Variants in CPA6 observed in about 807,000 individuals in gnomAD.
CPA6 encodes carboxypeptidase A6.
In CPA6, 58 loss-of-function variants were observed where a neutral mutation model predicts 63.3. The observed-to-expected ratio is 0.92, with a 90% CI of 0.74 to 1.14. CPA6 has a LOEUF of 1.14. Among genes scored for constraint, CPA6 ranks in the 50% most tolerant of loss-of-function variants. The probability of loss-of-function intolerance (pLI) is 0.00; values close to 1 mark genes in which losing one functional copy is unlikely to be tolerated. For synonymous variants in CPA6, 185 were observed against 179.0 expected (o/e 1.03, Z -0.27); for missense variants, 565 against 526.6 (o/e 1.07, Z -0.71).
At position 67,524,613 on chromosome 8, in the gene CPA6, C is replaced by CA. The variant is rs1554670781; in HGVS notation, c.193-6567_193-6566insT. On this transcript the variant is annotated intron_variant, in intron 2 of 10. Coordinates refer to ENST00000297770, the MANE Select transcript of CPA6 (RefSeq NM_020361.5). ...AGATTCTTAAGTACATTTGAAAAAACTTTTTTTGTTTTTTTGCAAATCAGG... is the reference window on the plus strand; with the variant it reads ...AGATTCTTAAGTACATTTGAAAAAACATTTTTTTGTTTTTTTGCAAATCAGG... 6.0e-5 allele frequency among the ~76,000 whole-genome samples: 9 copies of CA among 149,906 alleles called. 1 individual carries two copies. The highest frequency in any genetic ancestry group is 1.5e-4 in the African/African-American group (6 of 40,240).
intron 2 of CPA6, among the ~76,000 whole-genome samples, chr8:67,613,584 T>G (rs1030964001): frequency 7.2e-5 from 11 of 152,186 alleles, no homozygotes; most frequent in African/African-American, 2.7e-4. Context: ...CTTTCTGTGG[T>G]TCCCTACTTT....
chr8:67,661,175 C>T (rs1047848023), intron 1 of CPA6, among the ~76,000 whole-genome samples: 1 of 152,020 alleles, frequency 6.6e-6, no homozygotes, highest in East Asian at 1.9e-4. Flanking sequence ...TTAGATATGG[C>T]GGTCAAGGAA....
intron 1 of CPA6, among the ~76,000 whole-genome samples, chr8:67,680,643 C>T (rs1255593110): frequency 6.6e-6 from 1 of 152,144 alleles, no homozygotes; most frequent in African/African-American, 2.4e-5. Flanking sequence ...GCTCTGCCTT[C>T]CTAGTGTTAG....
chr8:67,638,945 A>C (rs765456821), intron 1 of CPA6, among the ~76,000 whole-genome samples: 1 of 151,454 alleles, frequency 6.6e-6, no homozygotes, highest in Non-Finnish European at 1.5e-5. Flanking sequence ...AATGCAGATC[A>C]TTTCTGGAGG....
At chr8:67,699,670 C>T (rs1006368001) in intron 1 of CPA6, among the ~76,000 whole-genome samples, 2 of 151,868 alleles carry the variant, frequency 1.3e-5, no homozygotes, top group African/African-American at 4.8e-5. Flanking sequence ...TCATTGCAAT[C>T]TCCACCTTCC....
chr8:67,671,978 C>T (rs1816357326), intron 1 of CPA6, among the ~76,000 whole-genome samples: 1 of 152,018 alleles, frequency 6.6e-6, no homozygotes. Context: ...TACAGGTGCG[C>T]ACCACCACAG....
intron 8 of CPA6, among the ~76,000 whole-genome samples, chr8:67,434,699 A>AGCAGCT (rs2128952417): frequency 6.6e-6 from 1 of 152,220 alleles, no homozygotes; most frequent in South Asian, 2.1e-4. Context: ...TCATGGCCGC[A>AGCAGCT]GCAGCTGCAG....
At chr8:67,611,541 A>T (rs957054107) in intron 2 of CPA6, among the ~76,000 whole-genome samples, 24 of 151,136 alleles carry the variant, frequency 1.6e-4, no homozygotes, top group African/African-American at 5.9e-4. Flanking sequence ...GTACCAATAG[A>T]TTGCCTCTCA....
intron 2 of CPA6, among the ~76,000 whole-genome samples, chr8:67,545,908 T>C (rs1406221814): frequency 6.6e-6 from 1 of 152,078 alleles, no homozygotes; most frequent in Non-Finnish European, 1.5e-5. Context: ...AAAATCTCTG[T>C]CATCCATCGA....
intron 1 of CPA6, among the ~76,000 whole-genome samples, chr8:67,726,311 G>A (rs983165747): frequency 4.6e-5 from 7 of 152,168 alleles, no homozygotes; most frequent in African/African-American, 1.4e-4. Context: ...AAGCAGTGGA[G>A]TAGCAGTAGA....
chr8:67,470,028 C>CT (rs756750835), intron 8 of CPA6, among the ~76,000 whole-genome samples: 6,833 of 142,944 alleles, frequency 0.048, 188 homozygotes, highest in East Asian at 0.14. Context: ...ATCATGTTTC[C>CT]TTTTTTTTTT....
intron 2 of CPA6, among the ~76,000 whole-genome samples, chr8:67,518,813 G>A (rs1460074167): frequency 6.6e-6 from 1 of 152,022 alleles, no homozygotes; most frequent in Non-Finnish European, 1.5e-5. Context: ...GCCCCACCTA[G>A]ATGGACCATT....
At position 67,493,259 on chromosome 8, in the gene CPA6, G is replaced by C. The variant is rs142644063; in HGVS notation, c.637-8470C>G. Among the ~76,000 whole-genome samples, 1,228 of 152,186 alleles carry C rather than the reference G, an allele frequency of 8.1e-3. 17 individuals carry two copies. Among genetic ancestry groups the C allele is most frequent in the African/African-American group, 0.028 (1,174 of 41,538 alleles). On this transcript the variant is annotated intron_variant, in intron 6 of 10. Transcript: ENST00000297770. The stretch of plus-strand genomic sequence containing the variant: ...TGATCTATTTCTTAACCAAGACCTT[G>C]GTGTTTCATGCCAATATCTGAGGGC...
intron 2 of CPA6, among the ~76,000 whole-genome samples, chr8:67,590,672 C>A (rs1271591369): frequency 6.6e-6 from 1 of 152,118 alleles, no homozygotes; most frequent in Non-Finnish European, 1.5e-5. Context: ...TGTCTTTTGG[C>A]TGCATAAATG....
intron 1 of CPA6, among the ~76,000 whole-genome samples, chr8:67,707,478 T>C (rs896003079): frequency 8.5e-5 from 13 of 152,246 alleles, no homozygotes; most frequent in Admixed American, 8.5e-4. Context: ...AGAAACTATA[T>C]GTGAGTATTC....
intron 1 of CPA6, among the ~76,000 whole-genome samples, chr8:67,653,793 G>A (rs1298207126): frequency 1.1e-4 from 17 of 152,140 alleles, no homozygotes; most frequent in Admixed American, 8.5e-4. Context: ...AATAGGAGTG[G>A]TGAGAGAGGG....
intron 2 of CPA6, among the ~76,000 whole-genome samples, chr8:67,610,741 C>A (rs1420698434): frequency 1.3e-5 from 2 of 152,282 alleles, no homozygotes; most frequent in East Asian, 3.9e-4. Context: ...TCACTATCAG[C>A]TGGCCACCAA....
chr8:67,701,274 T>C (rs573476516), intron 1 of CPA6, among the ~76,000 whole-genome samples: 22 of 152,304 alleles, frequency 1.4e-4, no homozygotes, highest in African/African-American at 5.1e-4. Context: ...CACTCATGAA[T>C]CAAGTTAATC....
At chr8:67,603,320 A>T (rs1477833688) in intron 2 of CPA6, among the ~76,000 whole-genome samples, 2 of 147,806 alleles carry the variant, frequency 1.4e-5, no homozygotes, top group African/African-American at 2.5e-5. Context: ...AATTTTAACA[A>T]TTTTTTTTTT....
Sources: allele counts gnomAD v4.1 joint callset (sites outside exome capture counted in the v4.1 genomes callset), GRCh38; gene constraint gnomAD v4.1.1; transcripts MANE v1.5; gene names NCBI Gene and HGNC (gene_info 2026-07-23, HGNC 2026-07-21).